PTPN13: variants seen among roughly 807,000 people sequenced by gnomAD.
PTPN13 encodes tyrosine-protein phosphatase non-receptor type 13.
In PTPN13, 191 loss-of-function variants were observed where a neutral mutation model predicts 284.0. The observed-to-expected ratio is 0.67, with a 90% CI of 0.60 to 0.76. PTPN13 has a LOEUF of 0.76. Ranked by LOEUF, PTPN13 falls within the 30% of genes least tolerant of loss-of-function variation. PTPN13 has a pLI of 0.00. For missense variants in PTPN13, 2,797 were observed against 2,939.9 expected (o/e 0.95, Z 1.12); for synonymous variants, 986 against 1,022.3 (o/e 0.96, Z 0.68).
chr4:86,776,413 T>A (rs1740651241), intron 35 of PTPN13, among the ~76,000 whole-genome samples: 1 of 152,220 alleles, frequency 6.6e-6, no homozygotes, highest in Admixed American at 6.5e-5. Context: ...CCCACCTGTA[T>A]ACCACATCAC....
intron 1 of PTPN13, among the ~76,000 whole-genome samples, chr4:86,604,632 T>G (rs1248911490): frequency 6.6e-6 from 1 of 151,946 alleles, no homozygotes; most frequent in African/African-American, 2.4e-5. Flanking sequence ...CCCTTGAATA[T>G]GTGAAAAATA....
At chr4:86,644,371 C>T (rs1202850561) in intron 2 of PTPN13, among the ~76,000 whole-genome samples, 1 of 152,124 alleles carries the variant, frequency 6.6e-6, no homozygotes, top group Non-Finnish European at 1.5e-5. Context: ...AACTCCTGCC[C>T]TCAAGCGACC....
intron 2 of PTPN13, among the ~76,000 whole-genome samples, chr4:86,648,775 T>C (rs1001486019): frequency 6.6e-6 from 1 of 152,146 alleles, no homozygotes; most frequent in African/African-American, 2.4e-5. Flanking sequence ...ATATGGTAGT[T>C]CCATTTTTAT....
intron 1 of PTPN13, among the ~76,000 whole-genome samples, chr4:86,598,961 T>C (rs1055783800): frequency 3.9e-5 from 6 of 152,176 alleles, no homozygotes; most frequent in Admixed American, 3.9e-4. Flanking sequence ...GGTCTTCCTA[T>C]GTTACCCAGC....
At chr4:86,776,215 G>A (rs1740622942) in intron 35 of PTPN13, among the ~76,000 whole-genome samples, 1 of 152,200 alleles carries the variant, frequency 6.6e-6, no homozygotes, top group African/African-American at 2.4e-5. Context: ...CAAAGTGCTG[G>A]GATTACAGGC....
chr4:86,796,978 A>T (rs373911528), intron 41 of PTPN13, 49 bp downstream of exon 41: 2 of 1,100,106 alleles, frequency 1.8e-6, no homozygotes, highest in Non-Finnish European at 2.7e-6. Context: ...TCTATCTATA[A>T]ATGCTCTGAA....
At chr4:86,791,604 C>T (rs958385046) in intron 40 of PTPN13, among the ~76,000 whole-genome samples, 1 of 152,162 alleles carries the variant, frequency 6.6e-6, no homozygotes, top group Non-Finnish European at 1.5e-5. Flanking sequence ...CCAGGAGGGG[C>T]CGACAGACAC....
rs558441629 is a variant in PTPN13, at chr4:86,638,441, A to G, written c.115+3070A>G. ...TGACTTCAAACTATACTACAAGGCT[A>G]CAGTAACCAAAACAGCATGGTACTG... On this transcript the variant is annotated intron_variant, in intron 2 of 47. Coordinates refer to ENST00000411767, the MANE Select transcript of PTPN13 (RefSeq NM_080683.3). Among the ~76,000 whole-genome samples, 150 of 152,336 alleles carry G rather than the reference A, an allele frequency of 9.8e-4. 1 individual carries two copies. The highest frequency in any genetic ancestry group is 2.7e-3 in the East Asian group (14 of 5,194).
intron 46 of PTPN13, among the ~76,000 whole-genome samples, 181 bp from the exon 47 acceptor site, chr4:86,810,865 A>G (rs1185270495): frequency 6.6e-6 from 1 of 152,260 alleles, no homozygotes; most frequent in Admixed American, 6.5e-5. Context: ...AAAAATAAGA[A>G]TACCAAGTGA....
intron 24 of PTPN13, 108 bp downstream of exon 24, chr4:86,763,298 AAAG>A (rs1738920038): frequency 1.4e-5 from 14 of 985,510 alleles, no homozygotes; most frequent in Non-Finnish European, 2.0e-5. Context: ...ATTCTGGAAA[AAAG>A]AAATAGTTTA....
Position 86,635,264 on chromosome 4 carries a change from T to A in PTPN13, c.8T>A (p.Val3Glu), listed in dbSNP as rs201035793. The change falls in exon 2 of 48, where the codon GTG becomes GAG. Residue 3 changes from valine to glutamate, a missense_variant. Physicochemically the swap from Val to Glu is moderately radical, Grantham distance 121. Transcript: ENST00000411767. The stretch of plus-strand genomic sequence containing the variant: ...CTTTGTTTCCCAGGTAATATGCACG[T>A]GTCACTAGCTGAGGCCCTGGAGGTT... Reference protein sequence around the residue: MHVSLAEALEVRG... With the variant: MHESLAEALEVRG... The A allele has an allele frequency of 4.4e-6, 7 of 1,600,114 alleles. No individual in the cohort carries two copies. The highest frequency in any genetic ancestry group is 6.0e-6 in the Non-Finnish European group (7 of 1,173,366).
chr4:86,690,856 C>A (rs1019268606), intron 5 of PTPN13, among the ~76,000 whole-genome samples: 12 of 151,856 alleles, frequency 7.9e-5, no homozygotes, highest in Non-Finnish European at 1.5e-5. Context: ...TATAGTGGAT[C>A]TTTATTGTTC....
chr4:86,736,561 G>T (rs927449509), intron 15 of PTPN13, among the ~76,000 whole-genome samples: 18 of 152,108 alleles, frequency 1.2e-4, no homozygotes, highest in Admixed American at 1.3e-4. Context: ...GAAAGGCAAG[G>T]TGGTTTTTTC....
At chr4:86,651,119 A>T (rs1725029355) in intron 2 of PTPN13, among the ~76,000 whole-genome samples, 1 of 152,098 alleles carries the variant, frequency 6.6e-6, no homozygotes, top group Admixed American at 6.6e-5. Flanking sequence ...AGTTTTTATC[A>T]TGAAGAGATG....
chr4:86,655,945 T>C (rs1450831010), intron 2 of PTPN13, among the ~76,000 whole-genome samples: 1 of 152,220 alleles, frequency 6.6e-6, no homozygotes, highest in Non-Finnish European at 1.5e-5. Flanking sequence ...TAGTTTCTTT[T>C]TACTCTTTTT....
At chr4:86,758,870 G>C in intron 22 of PTPN13, 72 bp from the exon 23 acceptor site, 1 of 1,584,106 alleles carries the variant, frequency 6.3e-7, no homozygotes, top group South Asian at 1.1e-5. Flanking sequence ...AATTGAGAAA[G>C]AGATGATATT....
chr4:86,660,116 G>A (rs754081689), intron 2 of PTPN13, among the ~76,000 whole-genome samples: 2 of 152,120 alleles, frequency 1.3e-5, no homozygotes, highest in Non-Finnish European at 2.9e-5. Flanking sequence ...AACATCAACA[G>A]CAATCATCTC....
chr4:86,649,172 G>A (rs1242120466), intron 2 of PTPN13, among the ~76,000 whole-genome samples: 1 of 152,072 alleles, frequency 6.6e-6, no homozygotes, highest in Non-Finnish European at 1.5e-5. Flanking sequence ...TCTGTGGGTT[G>A]TCTTTTTGTT....
At chr4:86,618,166 C>T (rs1720790722) in intron 1 of PTPN13, among the ~76,000 whole-genome samples, 1 of 152,018 alleles carries the variant, frequency 6.6e-6, no homozygotes, top group South Asian at 2.1e-4. Flanking sequence ...TTTCCCAGCA[C>T]CATTTATTAA....
Sources: allele counts gnomAD v4.1 joint callset (sites outside exome capture counted in the v4.1 genomes callset), GRCh38; gene constraint gnomAD v4.1.1; transcripts MANE v1.5; gene names NCBI Gene and HGNC (gene_info 2026-07-23, HGNC 2026-07-21).